Variants in MBD5 observed in about 807,000 individuals in gnomAD.
MBD5 encodes the protein methyl-CpG binding domain protein 5, also known as methyl-CpG-binding domain protein 5.
Under a neutral mutation model 117.3 loss-of-function variants are expected in MBD5, and 13 were observed. The observed-to-expected ratio is 0.11, with a 90% CI of 0.07 to 0.18. MBD5 has a LOEUF of 0.18. Ranked by LOEUF, MBD5 falls within the 10% of genes least tolerant of loss-of-function variation. MBD5 has a pLI of 1.00. For synonymous variants in MBD5, 727 were observed against 766.4 expected (o/e 0.95, Z 0.85); for missense variants, 1,879 against 2,093.8 (o/e 0.90, Z 2.00).
At chr2:148,385,544 T>G (rs990260978) in intron 4 of MBD5, among the ~76,000 whole-genome samples, 1 of 152,110 alleles carries the variant, frequency 6.6e-6, no homozygotes, top group Non-Finnish European at 1.5e-5. Flanking sequence ...TTGTGGAAGT[T>G]GGTGTGGCAA....
At chr2:148,505,112 T>G (rs2105243416) in intron 12 of MBD5, among the ~76,000 whole-genome samples, 1 of 151,944 alleles carries the variant, frequency 6.6e-6, no homozygotes, top group South Asian at 2.1e-4. Flanking sequence ...AAGAAATACT[T>G]AGGAGGTAAA....
chr2:148,438,200 G>A (rs932471381), intron 4 of MBD5, among the ~76,000 whole-genome samples: 10 of 152,266 alleles, frequency 6.6e-5, no homozygotes, highest in East Asian at 5.8e-4. Flanking sequence ...GTGAAGCTAC[G>A]GAAGTCATAC....
At chr2:148,179,413 A>C (rs1284879450) in intron 2 of MBD5, among the ~76,000 whole-genome samples, 1 of 151,974 alleles carries the variant, frequency 6.6e-6, no homozygotes, top group Non-Finnish European at 1.5e-5. Flanking sequence ...GCAGAATTTA[A>C]TTTGAAAAAA....
At chr2:148,360,939 C>T (rs1429449438) in intron 4 of MBD5, among the ~76,000 whole-genome samples, 4 of 151,766 alleles carry the variant, frequency 2.6e-5, no homozygotes, top group Non-Finnish European at 5.9e-5. Flanking sequence ...ATGAGTTTTC[C>T]CACCATTATT....
At position 148,469,250 on chromosome 2, in the gene MBD5, C is replaced by G; in HGVS notation, c.1307C>G (p.Pro436Arg). Residue 436 changes from proline to arginine, a missense_variant, in exon 8 of 14, where the codon CCT becomes CGT. By Grantham distance (103) the Pro-to-Arg change is moderately radical (BLOSUM62 -2). Coordinates refer to ENST00000642680, the MANE Select transcript of MBD5 (RefSeq NM_001378120.1). ...CATTCAGCTTCAACCTCCCTGTCCC[C>G]TTCTCCAGTGACATCCCCCGTGCAC... ...VQHSASTSLS[P>R]SPVTSPVHMM... 1.2e-6 allele frequency: 2 copies of G among 1,614,020 alleles called. No individual in the cohort carries two copies. The highest frequency in any genetic ancestry group is 1.7e-6 in the Non-Finnish European group (2 of 1,179,972).
chr2:148,188,781 G>A lies in MBD5; in HGVS notation c.-831+9988G>A, dbSNP rs569972203. ...AAGATGGCCGAATAGGAACAGCTCC[G>A]GTCTACAGCTCCCAGCGTGAGCGAC... is the stretch of plus-strand genomic sequence containing the variant. On this transcript the variant is annotated intron_variant, in intron 2 of 13. Transcript: ENST00000642680. Among the ~76,000 whole-genome samples, 153 of 152,040 alleles carry A rather than the reference G, an allele frequency of 1.0e-3. 1 individual carries two copies. Among genetic ancestry groups the A allele is most frequent in the Non-Finnish European group, 1.9e-3 (126 of 67,958 alleles).
At chr2:148,370,262 T>G (rs1703813879) in intron 4 of MBD5, among the ~76,000 whole-genome samples, 1 of 152,160 alleles carries the variant, frequency 6.6e-6, no homozygotes, top group Non-Finnish European at 1.5e-5. Flanking sequence ...GCATCATGGT[T>G]TTTAAAAACT....
At chr2:148,479,160 A>G (rs1432897970) in intron 8 of MBD5, among the ~76,000 whole-genome samples, 1 of 152,206 alleles carries the variant, frequency 6.6e-6, no homozygotes, top group Non-Finnish European at 1.5e-5. Flanking sequence ...TGAATGAGTA[A>G]CTTTAAGAAC....
At chr2:148,423,730 G>A (rs1705682886) in intron 4 of MBD5, among the ~76,000 whole-genome samples, 1 of 152,220 alleles carries the variant, frequency 6.6e-6, no homozygotes, top group Non-Finnish European at 1.5e-5. Context: ...CAGACTAAGT[G>A]CCCCAATTAA....
Position 148,114,547 on chromosome 2 carries a change from C to T in MBD5, c.-924-64153C>T, listed in dbSNP as rs1574029212. Among the ~76,000 whole-genome samples the T allele has an allele frequency of 2.0e-5, 3 of 151,952 alleles. No homozygotes were observed. The South Asian group carries it at 6.2e-4, about 32-fold the overall frequency. ...CTACTTTCTCTTAAGGACTCTATACCAAAATGGTTTAATTTAATTGTTAGA... is the reference window on the plus strand; with the variant it reads ...CTACTTTCTCTTAAGGACTCTATACTAAAATGGTTTAATTTAATTGTTAGA... On this transcript the variant is annotated intron_variant, in intron 1 of 13. Coordinates refer to ENST00000642680, the MANE Select transcript of MBD5 (RefSeq NM_001378120.1).
At chr2:148,070,541 G>T (rs1695322577) in intron 1 of MBD5, among the ~76,000 whole-genome samples, 1 of 152,052 alleles carries the variant, frequency 6.6e-6, no homozygotes, top group South Asian at 2.1e-4. Flanking sequence ...TAGAGAAATT[G>T]GTAGGATAGA....
chr2:148,096,582 C>T (rs1192166970), intron 1 of MBD5, among the ~76,000 whole-genome samples: 1 of 152,094 alleles, frequency 6.6e-6, no homozygotes, highest in African/African-American at 2.4e-5. Flanking sequence ...ATTGTGCTTT[C>T]CTTGGCTCTG....
chr2:148,348,290 C>T (rs1703172271), intron 4 of MBD5, among the ~76,000 whole-genome samples: 1 of 151,914 alleles, frequency 6.6e-6, no homozygotes, highest in Non-Finnish European at 1.5e-5. Flanking sequence ...ATCTAGATTG[C>T]CCAAACAGTG....
Position 148,409,017 on chromosome 2 carries a change from A to G in MBD5, c.-556-49186A>G, listed in dbSNP as rs112674683. ...TGAGCAGCCATGGATTTTGTTATTC[A>G]TGGGAGGTTCTGAAACCAGTCCCCT... On this transcript the variant is annotated intron_variant, in intron 4 of 13. Coordinates refer to ENST00000642680, the MANE Select transcript of MBD5 (RefSeq NM_001378120.1). Among the ~76,000 whole-genome samples, 448 of 152,214 alleles carry G rather than the reference A, an allele frequency of 2.9e-3. 3 individuals are homozygous for G. The highest frequency in any genetic ancestry group is 0.01 in the African/African-American group (428 of 41,528).
intron 4 of MBD5, among the ~76,000 whole-genome samples, chr2:148,361,028 T>C (rs751806907): frequency 2.4e-4 from 36 of 152,070 alleles, no homozygotes; most frequent in Non-Finnish European, 4.3e-4. Flanking sequence ...TCCATGTTTT[T>C]ATTGAGAAGA....
intron 3 of MBD5, among the ~76,000 whole-genome samples, chr2:148,268,955 A>G (rs1357244315): frequency 6.6e-6 from 1 of 152,010 alleles, no homozygotes; most frequent in Non-Finnish European, 1.5e-5. Flanking sequence ...GGCATAGAAT[A>G]GACACTCAGT....
At chr2:148,390,176 G>A (rs1439076521) in intron 4 of MBD5, among the ~76,000 whole-genome samples, 2 of 151,846 alleles carry the variant, frequency 1.3e-5, no homozygotes, top group Admixed American at 6.6e-5. Flanking sequence ...TTGAATAGGG[G>A]GTCCCTTCCC....
chr2:148,488,014 GAGATTGAACATAA>G (rs1681393633), intron 10 of MBD5, among the ~76,000 whole-genome samples: 2 of 152,344 alleles, frequency 1.3e-5, no homozygotes, highest in African/African-American at 4.8e-5. Flanking sequence ...AAAAGTGGAA[GAGATTGAACATAA>G]AGAAGGGAAG....
intron 4 of MBD5, among the ~76,000 whole-genome samples, chr2:148,376,363 G>C (rs931845091): frequency 6.0e-5 from 9 of 149,694 alleles, no homozygotes; most frequent in African/African-American, 2.0e-4. Context: ...CGCCTCCTGG[G>C]TTCACGTCAT....
Sources: allele counts gnomAD v4.1 joint callset (sites outside exome capture counted in the v4.1 genomes callset), GRCh38; gene constraint gnomAD v4.1.1; transcripts MANE v1.5; gene names NCBI Gene and HGNC (gene_info 2026-07-23, HGNC 2026-07-21).